The following TMEM230 variants were observed in gnomAD, a reference collection of about 807,000 sequenced individuals.
TMEM230 encodes the protein UPF0414 transmembrane protein C20orf30.
TMEM230 carries 10 observed loss-of-function variants against 15.8 expected under a neutral mutation model. That is an observed-to-expected ratio of 0.63 (90% CI 0.39 to 1.07). The LOEUF is 1.07. Ranked by LOEUF, TMEM230 falls within the 50% of genes least tolerant of loss-of-function variation. TMEM230 has a pLI of 0.01. For missense variants in TMEM230, 165 were observed against 193.3 expected, an observed-to-expected ratio of 0.85 and a Z score of 0.87; for synonymous variants, 67 against 76.9, an observed-to-expected ratio of 0.87 and a Z score of 0.68.
At chr20:5,095,209 TG>T (rs1292117312), downstream of TMEM230, among the ~76,000 whole-genome samples, 1 of 152,126 alleles carries the variant, frequency 6.6e-6, no homozygotes, top group East Asian at 1.9e-4. Flanking sequence ...GTGAGAGGAA[TG>T]AAAGAACGGA....
At chr20:5,110,441 C>T (rs886629354) in intron 2 of TMEM230, among the ~76,000 whole-genome samples, 1 of 152,054 alleles carries the variant, frequency 6.6e-6, no homozygotes, top group Admixed American at 6.5e-5. Context: ...TGTGCCACCA[C>T]GCCTGGCTAA....
Position 5,100,892 on chromosome 20 carries a change from GA to G in TMEM230, c.450del (p.Leu151TrpfsTer59), listed in dbSNP as rs756696362. The G allele has an allele frequency of 6.2e-7, 1 of 1,614,210 alleles. No individual in the cohort carries two copies. The highest frequency in any genetic ancestry group is 8.5e-7 in the Non-Finnish European group (1 of 1,180,038). Reference sequence around the variant, plus strand: ...TGGTAAAATCCGGGTAGGAACACCAGAATGCCAATGATCAGCACTGGAACGG... The same window carrying G: ...TGGTAAAATCCGGGTAGGAACACCAGATGCCAATGATCAGCACTGGAACGG... On this transcript the variant is annotated frameshift_variant, in exon 5 of 5. Coordinates refer to ENST00000342308, the MANE Select transcript of TMEM230 (RefSeq NM_001009923.2). LOFTEE classifies it high-confidence loss of function.
chr20:5,112,739 C>T (rs1471960492), intron 1 of TMEM230: 8 of 1,449,952 alleles, frequency 5.5e-6, no homozygotes, highest in Non-Finnish European at 7.3e-6. Context: ...CGTTATTCTC[C>T]TACCCGTCTT....
chr20:5,077,721 C>A (rs6038061), intron 3 of TMEM230, among the ~76,000 whole-genome samples: 7,514 of 151,998 alleles, frequency 0.049, 564 homozygotes, highest in African/African-American at 0.17. Context: ...GTAGTCCCAG[C>A]TACTTGGGTA....
At chr20:5,111,784 G>A in intron 1 of TMEM230, 1 of 981,984 alleles carries the variant, frequency 1.0e-6, no homozygotes, top group Non-Finnish European at 1.2e-6. Context: ...TTAGATGCCA[G>A]CTGTTCTAAG....
chr20:5,094,942 ATCT>A, downstream of TMEM230, among the ~76,000 whole-genome samples: 1 of 152,126 alleles, frequency 6.6e-6, no homozygotes, highest in East Asian at 1.9e-4. Flanking sequence ...AATGTAAGTC[ATCT>A]CCTCACAACT....
At position 5,075,922 on chromosome 20, in the gene TMEM230, A is replaced by G. The variant is rs116248379; in HGVS notation, c.223-6573T>C. On this transcript the variant is annotated intron_variant, in intron 3 of 3. Transcript: ENST00000612323. ...AGTTTGAGACCAGCCTGGGCCACATAGCAAAACACTGTCTCTACAAAAATA... is the reference window on the plus strand; with the variant it reads ...AGTTTGAGACCAGCCTGGGCCACATGGCAAAACACTGTCTCTACAAAAATA... 9.2e-3 allele frequency among the ~76,000 whole-genome samples: 1,399 copies of G among 151,616 alleles called. 30 individuals carry two copies. The highest frequency in any genetic ancestry group is 0.032 in the African/African-American group (1,332 of 41,280).
intron 2 of TMEM230, 149 bp from the exon 2 acceptor site, chr20:5,109,594 AT>A: frequency 1.5e-6 from 1 of 651,548 alleles, no homozygotes; most frequent in South Asian, 1.7e-5. Flanking sequence ...TCACTGCTAA[AT>A]TTTCATTGTG....
At chr20:5,104,902 G>A (rs755332928) in intron 4 of TMEM230, among the ~76,000 whole-genome samples, 3 of 152,154 alleles carry the variant, frequency 2.0e-5, no homozygotes, top group Non-Finnish European at 4.4e-5. Flanking sequence ...GAAGGTTAAC[G>A]GGTACAAAAT....
intron 3 of TMEM230, among the ~76,000 whole-genome samples, chr20:5,086,718 G>A (rs1176807746): frequency 1.7e-5 from 2 of 119,076 alleles, no homozygotes; most frequent in East Asian, 4.9e-4. Context: ...TTTTTTTTTT[G>A]AGGTAGGGTC....
At chr20:5,112,042 C>T (rs527244767) in intron 1 of TMEM230, among the ~76,000 whole-genome samples, 1 of 152,248 alleles carries the variant, frequency 6.6e-6, no homozygotes, top group East Asian at 1.9e-4. Context: ...AGACGGGCTT[C>T]ACCATATTGG....
At position 5,086,914 on chromosome 20, in the gene TMEM230, C is replaced by T. The variant is rs116590137; in HGVS notation, c.223-17565G>A. 7.3e-3 allele frequency among the ~76,000 whole-genome samples: 1,111 copies of T among 152,036 alleles called. 10 individuals carry two copies. Among genetic ancestry groups the T allele is most frequent in the African/African-American group, 0.025 (1,042 of 41,478 alleles). On this transcript the variant is annotated intron_variant, in intron 3 of 3. Coordinates refer to the TMEM230 transcript ENST00000612323. ...TTTTGACACAGAGTCCCACTCTGTC[C>T]CCCAGGCTGAGTGCAGTGGTGTGAC...
chr20:5,109,555 T>C (rs574889752), intron 2 of TMEM230, 110 bp from the exon 2 acceptor site: 24 of 840,064 alleles, frequency 2.9e-5, no homozygotes, highest in African/African-American at 1.5e-4. Context: ...TGGGCTGCCA[T>C]GTCAGACTAG....
downstream of TMEM230, among the ~76,000 whole-genome samples, chr20:5,096,096 G>A (rs753145889): frequency 7.9e-5 from 12 of 152,200 alleles, no homozygotes; most frequent in Non-Finnish European, 1.2e-4. Flanking sequence ...GCCCTGCCTG[G>A]GCTGGCAATC....
intron 3 of TMEM230, among the ~76,000 whole-genome samples, chr20:5,106,946 A>T (rs959629077): frequency 6.6e-6 from 1 of 151,500 alleles, no homozygotes; most frequent in East Asian, 2.0e-4. Context: ...GGCTCAAGGG[A>T]GTCCTTCCAC....
intron 3 of TMEM230, among the ~76,000 whole-genome samples, chr20:5,090,102 T>C (rs999282852): frequency 1.3e-5 from 2 of 151,188 alleles, no homozygotes; most frequent in African/African-American, 4.9e-5. Context: ...AGACAAAATA[T>C]GGAAAAGAGA....
intron 3 of TMEM230, among the ~76,000 whole-genome samples, chr20:5,087,619 C>G (rs1422097618): frequency 6.6e-6 from 1 of 151,006 alleles, no homozygotes; most frequent in African/African-American, 2.4e-5. Flanking sequence ...TGTCCCCTAC[C>G]CTAGCTGGGG....
At chr20:5,106,120 C>T (rs113621558) in intron 4 of TMEM230, 68 bp downstream of exon 3, 28 of 1,536,036 alleles carry the variant, frequency 1.8e-5, no homozygotes, top group Admixed American at 9.4e-5. Context: ...CACACACACA[C>T]GCACACTAGA....
intron 3 of TMEM230, among the ~76,000 whole-genome samples, chr20:5,084,226 A>AT (rs71332870): frequency 0.14 from 20,597 of 142,348 alleles, 1,922 homozygotes; most frequent in African/African-American, 0.26. Flanking sequence ...TTCTATTTTA[A>AT]TTTTTTTTTT....
Sources: gnomAD v4.1 joint callset for allele counts (sites outside exome capture counted in the v4.1 genomes callset) on GRCh38, gnomAD v4.1.1 for gene constraint, MANE v1.5 for transcripts, NCBI Gene and HGNC (gene_info 2026-07-23, HGNC 2026-07-21) for gene names.